HECW2: variants seen among roughly 807,000 people sequenced by gnomAD.
HECW2 encodes E3 ubiquitin-protein ligase HECW2.
In HECW2, 61 loss-of-function variants were observed where a neutral mutation model predicts 175.2. The ratio of observed to expected loss-of-function variants is 0.35; its 90% CI spans 0.28 to 0.43. The LOEUF (loss-of-function observed/expected upper bound fraction) is 0.43, where lower values mean the gene tolerates loss of function less well. Among genes scored for constraint, HECW2 ranks in the 20% least tolerant of loss-of-function variants. HECW2 has a pLI of 1.00. For missense variants in HECW2, 1,524 were observed against 2,000.5 expected, an observed-to-expected ratio of 0.76 and a Z score of 4.54; for synonymous variants, 671 against 731.0, an observed-to-expected ratio of 0.92 and a Z score of 1.32.
At position 196,454,607 on chromosome 2, in the gene HECW2, A is replaced by T. The variant is rs188303716; in HGVS notation, c.-35-21149T>A. ...GAGTGTTACCGAATGCCTTTTGAAA[A>T]GGAGGCATGATAAGCATTCCCATAT... is the stretch of plus-strand genomic sequence containing the variant. On this transcript the variant is annotated intron_variant, in intron 1 of 28. Coordinates refer to ENST00000644978, the MANE Select transcript of HECW2 (RefSeq NM_001348768.2). Among the ~76,000 whole-genome samples, 509 of 152,340 alleles carry T rather than the reference A, an allele frequency of 3.3e-3. 12 individuals carry two copies. Among genetic ancestry groups the T allele is most frequent in the Non-Finnish European group, 1.0e-3 (70 of 68,032 alleles).
intron 1 of HECW2, among the ~76,000 whole-genome samples, chr2:196,440,801 C>G (rs1256631276): frequency 6.6e-6 from 1 of 152,088 alleles, no homozygotes; most frequent in East Asian, 1.9e-4. Context: ...AAAGCTGGTC[C>G]TTTAAAGCTC....
At chr2:196,360,145 C>T (rs1300302579) in intron 2 of HECW2, among the ~76,000 whole-genome samples, 2 of 152,092 alleles carry the variant, frequency 1.3e-5, no homozygotes, top group Admixed American at 6.6e-5. Context: ...AGCAAACCTC[C>T]AAAGAGCTAA....
intron 7 of HECW2, among the ~76,000 whole-genome samples, 200 bp from the exon 8 acceptor site, chr2:196,320,639 A>G (rs1049713149): frequency 6.6e-6 from 1 of 152,238 alleles, no homozygotes; most frequent in Non-Finnish European, 1.5e-5. Context: ...CCCGGAGATA[A>G]AAGGAAATGT....
chr2:196,585,235 G>T (rs901995355), intron 1 of HECW2, among the ~76,000 whole-genome samples: 6 of 152,104 alleles, frequency 3.9e-5, no homozygotes, highest in African/African-American at 1.4e-4. Context: ...TTTTCCATTA[G>T]ATTCTGTCTT....
chr2:196,478,002 A>T (rs1686713438), intron 1 of HECW2, among the ~76,000 whole-genome samples: 1 of 152,202 alleles, frequency 6.6e-6, no homozygotes, highest in Admixed American at 6.5e-5. Flanking sequence ...CAGTGAGCCG[A>T]GATCATGCCA....
At chr2:196,227,993 T>C (rs945873852) in intron 22 of HECW2, 109 bp downstream of exon 22, 12 of 1,012,830 alleles carry the variant, frequency 1.2e-5, no homozygotes, top group East Asian at 8.1e-5. Flanking sequence ...ACTGAAAATA[T>C]GACTTTGCCC....
At chr2:196,243,885 T>C (rs1424420476) in intron 19 of HECW2, among the ~76,000 whole-genome samples, 1 of 152,194 alleles carries the variant, frequency 6.6e-6, no homozygotes, top group Non-Finnish European at 1.5e-5. Context: ...AGCCAATTGT[T>C]CCTCTTTCCA....
intron 1 of HECW2, among the ~76,000 whole-genome samples, chr2:196,557,903 T>C (rs990774008): frequency 6.6e-6 from 1 of 152,210 alleles, no homozygotes; most frequent in Non-Finnish European, 1.5e-5. Flanking sequence ...ATTTCTGTTT[T>C]GTAAGCAGAG....
intron 1 of HECW2, among the ~76,000 whole-genome samples, chr2:196,446,028 A>G (rs1461034595): frequency 6.6e-6 from 1 of 152,146 alleles, no homozygotes; most frequent in Non-Finnish European, 1.5e-5. Flanking sequence ...ATCCTCCAAT[A>G]ACCCCTATCT....
At chr2:196,536,467 T>G (rs112932384) in intron 1 of HECW2, among the ~76,000 whole-genome samples, 10 of 152,300 alleles carry the variant, frequency 6.6e-5, no homozygotes, top group Admixed American at 5.2e-4. Context: ...ATACTAAAAG[T>G]TGGCATGCTC....
chr2:196,268,464 A>T (rs1689599280), intron 17 of HECW2, among the ~76,000 whole-genome samples: 1 of 152,228 alleles, frequency 6.6e-6, no homozygotes, highest in Non-Finnish European at 1.5e-5. Flanking sequence ...GACTCTAAAA[A>T]GCAGAAAGAA....
chr2:196,226,251 CT>C (rs1224376142), intron 22 of HECW2, among the ~76,000 whole-genome samples: 1 of 152,130 alleles, frequency 6.6e-6, no homozygotes, highest in African/African-American at 2.4e-5. Context: ...CTCTCTCTCT[CT>C]CCCTCCTGCT....
chr2:196,477,798 T>G (rs1686701159), intron 1 of HECW2, among the ~76,000 whole-genome samples: 1 of 152,136 alleles, frequency 6.6e-6, no homozygotes, highest in Non-Finnish European at 1.5e-5. Flanking sequence ...ACACCTGTAA[T>G]CCCAGCATTT....
At chr2:196,270,169 T>G (rs908017281) in intron 17 of HECW2, among the ~76,000 whole-genome samples, 4 of 151,498 alleles carry the variant, frequency 2.6e-5, no homozygotes, top group African/African-American at 9.8e-5. Flanking sequence ...GCAGAAACTC[T>G]TCTTTTCCTA....
intron 2 of HECW2, among the ~76,000 whole-genome samples, chr2:196,417,276 T>C (rs1695280625): frequency 6.6e-6 from 1 of 152,244 alleles, no homozygotes; most frequent in East Asian, 1.9e-4. Flanking sequence ...CTTAAATAAG[T>C]AATATAGTTT....
intron 15 of HECW2, 93 bp downstream of exon 15, chr2:196,278,435 A>T: frequency 1.4e-6 from 2 of 1,425,968 alleles, no homozygotes; most frequent in Non-Finnish European, 1.9e-6. Context: ...AAAAAGAAAA[A>T]ATGCTTTAAA....
At chr2:196,556,871 A>G (rs1430405965) in intron 1 of HECW2, among the ~76,000 whole-genome samples, 1 of 152,196 alleles carries the variant, frequency 6.6e-6, no homozygotes, top group Non-Finnish European at 1.5e-5. Context: ...TTAAAAGGCA[A>G]ATTGAAAACT....
chr2:196,248,547 G>A (rs972554955), intron 19 of HECW2, among the ~76,000 whole-genome samples: 5 of 149,842 alleles, frequency 3.3e-5, no homozygotes, highest in African/African-American at 1.2e-4. Context: ...AGGGACTGTA[G>A]GAAAGGTGGG....
At chr2:196,259,185 G>A (rs1366433261) in intron 17 of HECW2, among the ~76,000 whole-genome samples, 1 of 152,186 alleles carries the variant, frequency 6.6e-6, no homozygotes, top group Non-Finnish European at 1.5e-5. Context: ...TGTTCGCCAT[G>A]CTGGTCTCAA....
Sources: allele counts gnomAD v4.1 joint callset (sites outside exome capture counted in the v4.1 genomes callset), GRCh38; gene constraint gnomAD v4.1.1; transcripts MANE v1.5; gene names NCBI Gene and HGNC (gene_info 2026-07-23, HGNC 2026-07-21).